ARNT: variants seen among roughly 807,000 people sequenced by gnomAD.
The protein encoded by ARNT is aryl hydrocarbon receptor nuclear translocator, also known as class E basic helix-loop-helix protein 2.
Under a neutral mutation model 105.0 loss-of-function variants are expected in ARNT, and 30 were observed. The ratio of observed to expected loss-of-function variants is 0.29; its 90% CI spans 0.21 to 0.39. ARNT has a LOEUF of 0.39. Ranked by LOEUF, ARNT falls within the 10% of genes least tolerant of loss-of-function variation. The probability of loss-of-function intolerance (pLI) is 1.00; values close to 1 mark genes in which losing one functional copy is unlikely to be tolerated. For synonymous variants in ARNT, 304 were observed against 344.0 expected, an observed-to-expected ratio of 0.88 and a Z score of 1.29; for missense variants, 748 against 978.7, an observed-to-expected ratio of 0.76 and a Z score of 3.15.
intron 1 of ARNT, among the ~76,000 whole-genome samples, chr1:150,863,948 TAGG>T (rs1208449066): frequency 1.3e-5 from 2 of 152,138 alleles, no homozygotes; most frequent in Non-Finnish European, 2.9e-5. Flanking sequence ...AATGTGTCAT[TAGG>T]AGATTTCAAC....
At position 150,817,302 on chromosome 1, in the gene ARNT, G is replaced by A. The variant is rs1260370296; in HGVS notation, c.1578+59C>T. ...ACATATGTACATTCTAACTAGTACC[G>A]GAGAACACTTCCTAAGTAAATACTC... On this transcript the variant is annotated intron_variant, in intron 16 of 21. Coordinates refer to ENST00000358595, the MANE Select transcript of ARNT (RefSeq NM_001668.4). 38 of 1,610,842 alleles carry A rather than the reference G, an allele frequency of 2.4e-5. No individual in the cohort carries two copies. The East Asian group carries it at 6.7e-4, about 28-fold the overall frequency.
rs116545757 is a variant in ARNT at position 150,839,597 on chromosome 1, T to C, written c.330A>G (p.Thr110=). ...RRRNKMTAYI[T]ELSDMVPTCS... ...AGGTGGGTACCATATCTGACAGTTCTGTGATGTAGGCTGTCATCTTGTTCC... is the reference window on the plus strand; with the variant it reads ...AGGTGGGTACCATATCTGACAGTTCCGTGATGTAGGCTGTCATCTTGTTCC... The change falls in exon 6 of 22, where the codon ACA becomes ACG. Residue 110 remains threonine (T), a synonymous_variant. Coordinates refer to ENST00000358595, the MANE Select transcript of ARNT (RefSeq NM_001668.4). The C allele has an allele frequency of 8.4e-5, 136 of 1,614,208 alleles. No individual in the cohort carries two copies. The African/African-American group carries it at 1.7e-3, about 20-fold the overall frequency.
chr1:150,876,130 G>A (rs1265458145), intron 1 of ARNT, among the ~76,000 whole-genome samples: 1 of 152,200 alleles, frequency 6.6e-6, no homozygotes, highest in African/African-American at 2.4e-5. Context: ...GTGGTCCAGG[G>A]TTTATGAATC....
chr1:150,853,352 T>C, intron 2 of ARNT: 1 of 265,558 alleles, frequency 3.8e-6, no homozygotes, highest in South Asian at 3.1e-5. Flanking sequence ...TTTCCTAGAG[T>C]AGCAGTCAAT....
chr1:150,848,733 T>C (rs1662739843), intron 3 of ARNT, among the ~76,000 whole-genome samples: 1 of 152,110 alleles, frequency 6.6e-6, no homozygotes. Context: ...AGTTTTGCCA[T>C]GTTGCCCAGA....
chr1:150,816,465 A>G (rs758154335), intron 18 of ARNT, 59 bp from the exon 19 acceptor site: 396 of 1,559,316 alleles, frequency 2.5e-4, no homozygotes, highest in Non-Finnish European at 3.3e-4. Context: ...AGAAGCTAGG[A>G]ATCAAAGGAC....
intron 11 of ARNT, 75 bp downstream of exon 11, chr1:150,829,825 AAAAG>A: frequency 6.8e-7 from 1 of 1,464,412 alleles, no homozygotes. Flanking sequence ...TTCAGAAAGT[AAAAG>A]AAAATTAACA....
At chr1:150,817,524 C>G in intron 15 of ARNT, 91 bp from the exon 16 acceptor site, 1 of 1,268,826 alleles carries the variant, frequency 7.9e-7, no homozygotes, top group African/African-American at 1.5e-5. Flanking sequence ...ACAAATTAAA[C>G]AGGCCGGGCA....
At chr1:150,874,018 T>TAA (rs58707975) in intron 1 of ARNT, among the ~76,000 whole-genome samples, 2,477 of 64,334 alleles carry the variant, frequency 0.039, 142 homozygotes, top group African/African-American at 0.13. Context: ...ACAAGAATTG[T>TAA]AAAAAAAAAA....
intron 1 of ARNT, among the ~76,000 whole-genome samples, chr1:150,865,435 C>T (rs1455623437): frequency 1.3e-5 from 2 of 152,182 alleles, no homozygotes; most frequent in African/African-American, 4.8e-5. Flanking sequence ...ACTCAATTTA[C>T]GCTATGGAAT....
chr1:150,841,918 G>A (rs950867261), intron 5 of ARNT, among the ~76,000 whole-genome samples: 3 of 152,142 alleles, frequency 2.0e-5, no homozygotes, highest in African/African-American at 7.2e-5. Context: ...CCGCAAGAAA[G>A]GATTCGGTCA....
chr1:150,856,270 T>C (rs955570568), intron 2 of ARNT, among the ~76,000 whole-genome samples: 3 of 151,770 alleles, frequency 2.0e-5, no homozygotes, highest in Non-Finnish European at 4.4e-5. Flanking sequence ...AAACCCCGTC[T>C]CTACTGAAAA....
At chr1:150,867,210 A>C (rs10305664) in intron 1 of ARNT, among the ~76,000 whole-genome samples, 52,768 of 151,136 alleles carry the variant, frequency 0.35, 9,462 homozygotes, top group South Asian at 0.53. Context: ...TCTTTAAAAA[A>C]AACAACAACA....
rs370497335 is a variant in ARNT at position 150,814,017 on chromosome 1, C to T, written c.2113+60G>A. 128 of 1,583,878 alleles carry T rather than the reference C, an allele frequency of 8.1e-5. No individual in the cohort carries two copies. The African/African-American group carries it at 1.5e-3, about 18-fold the overall frequency. ...AACACAGGCAAACAACTTTAACTAC[C>T]AAATCCTTTCTCTTTAGTGGTGCGA... is the stretch of plus-strand genomic sequence containing the variant. On this transcript the variant is annotated intron_variant, in intron 20 of 21. Coordinates refer to ENST00000358595, the MANE Select transcript of ARNT (RefSeq NM_001668.4).
At chr1:150,874,896 A>G (rs1024056623) in intron 1 of ARNT, among the ~76,000 whole-genome samples, 1 of 152,184 alleles carries the variant, frequency 6.6e-6, no homozygotes, top group African/African-American at 2.4e-5. Context: ...GATATTGATC[A>G]GCTTATGAAA....
intron 17 of ARNT, 48 bp from the exon 18 acceptor site, chr1:150,816,938 A>ATAT: frequency 6.2e-7 from 1 of 1,602,782 alleles, no homozygotes; most frequent in South Asian, 1.1e-5. Flanking sequence ...GGGCTGTAGT[A>ATAT]TATTAGTTCA....
chr1:150,828,339 GTT>G (rs1047268874), intron 12 of ARNT, among the ~76,000 whole-genome samples: 1 of 90,248 alleles, frequency 1.1e-5, no homozygotes, highest in Non-Finnish European at 2.2e-5. Context: ...TTTGGGTGTG[GTT>G]TTTTTTTTGT....
At chr1:150,864,771 AATAAAT>A (rs1666262116) in intron 1 of ARNT, among the ~76,000 whole-genome samples, 1 of 69,470 alleles carries the variant, frequency 1.4e-5, no homozygotes, top group South Asian at 5.3e-4. Context: ...ATAAAAAATA[AATAAAT>A]AAATAAATAA....
At chr1:150,832,807 T>C (rs969815816) in intron 8 of ARNT, among the ~76,000 whole-genome samples, 2 of 152,186 alleles carry the variant, frequency 1.3e-5, no homozygotes, top group African/African-American at 4.8e-5. Context: ...AGGGCTGTGG[T>C]TTGCTTACTC....
Sources: allele counts gnomAD v4.1 joint callset (sites outside exome capture counted in the v4.1 genomes callset), GRCh38; gene constraint gnomAD v4.1.1; transcripts MANE v1.5; gene names NCBI Gene and HGNC (gene_info 2026-07-23, HGNC 2026-07-21).